The following RBFOX1 variants were observed in gnomAD, a reference collection of about 807,000 sequenced individuals.
RBFOX1 encodes the protein RNA binding protein fox-1 homolog 1.
Under a neutral mutation model 57.7 loss-of-function variants are expected in RBFOX1, and 8 were observed. The ratio of observed to expected loss-of-function variants is 0.14; its 90% confidence interval spans 0.08 to 0.25. The LOEUF (loss-of-function observed/expected upper bound fraction) is 0.25, where lower values mean the gene tolerates loss of function less well. Ranked by LOEUF, RBFOX1 falls within the 10% of genes least tolerant of loss-of-function variation. RBFOX1 has a pLI of 1.00. For missense variants in RBFOX1, 611 were observed against 548.5 expected, an observed-to-expected ratio of 1.11 and a Z score of -1.14; for synonymous variants, 326 against 222.4, an observed-to-expected ratio of 1.47 and a Z score of -4.15.
chr16:6,206,120 G>A (rs2097253725), intron 1 of RBFOX1, among the ~76,000 whole-genome samples: 3 of 152,076 alleles, frequency 2.0e-5, no homozygotes, highest in Non-Finnish European at 2.9e-5. Context: ...TTAAGGCACA[G>A]GTCAAATCTG....
At chr16:7,123,487 C>G (rs1393164659) in intron 4 of RBFOX1, among the ~76,000 whole-genome samples, 2 of 152,120 alleles carry the variant, frequency 1.3e-5, no homozygotes, top group African/African-American at 4.8e-5. Flanking sequence ...GCCTTAGCTT[C>G]CTGAGTAGCT....
intron 3 of RBFOX1, among the ~76,000 whole-genome samples, chr16:5,699,781 T>C (rs1567414115): frequency 6.6e-6 from 1 of 152,224 alleles, no homozygotes; most frequent in South Asian, 2.1e-4. Context: ...AAATCCTTCA[T>C]GATAAGATGG....
intron 4 of RBFOX1, among the ~76,000 whole-genome samples, chr16:7,072,379 C>T (rs969239997): frequency 1.3e-5 from 2 of 152,160 alleles, no homozygotes; most frequent in Non-Finnish European, 2.9e-5. Flanking sequence ...TTGTGGTTTA[C>T]TTGGTCATGG....
chr16:5,485,705 G>T (rs2069708727), intron 2 of RBFOX1, among the ~76,000 whole-genome samples: 1 of 152,202 alleles, frequency 6.6e-6, no homozygotes, highest in African/African-American at 2.4e-5. Flanking sequence ...TTAACTAAGA[G>T]ATTCTGTTAC....
intron 4 of RBFOX1, among the ~76,000 whole-genome samples, chr16:7,221,344 A>ATTTAT (rs2092711569): frequency 8.7e-6 from 1 of 114,632 alleles, no homozygotes; most frequent in Non-Finnish European, 2.1e-5. Context: ...TTTTTATTTG[A>ATTTAT]TTATTTATTT....
In RBFOX1 at chr16:7,563,282, C is replaced by T. The variant is rs111784459; in HGVS notation, c.271-16495C>T. On this transcript the variant is annotated intron_variant, in intron 5 of 15. Transcript: ENST00000550418. Reference sequence around the variant, plus strand: ...TCCTAAGCACTTACAGGTGTTGACTCATTTGGGGTAGATGCCAATAGTATT... The same window carrying T: ...TCCTAAGCACTTACAGGTGTTGACTTATTTGGGGTAGATGCCAATAGTATT... Among the ~76,000 whole-genome samples the T allele has an allele frequency of 4.6e-3, 696 of 152,246 alleles. 6 individuals are homozygous for T. The highest frequency in any genetic ancestry group is 0.016 in the African/African-American group (662 of 41,530).
chr16:6,654,537 G>A (rs2098631948), intron 2 of RBFOX1, 66 bp from the exon 3 acceptor site: 3 of 1,286,346 alleles, frequency 2.3e-6, no homozygotes, highest in South Asian at 1.4e-5. Flanking sequence ...ACCACTGAAT[G>A]TTCTCTGACC....
intron 4 of RBFOX1, among the ~76,000 whole-genome samples, chr16:5,957,469 C>T (rs2059667294): frequency 1.3e-5 from 2 of 152,140 alleles, no homozygotes; most frequent in Non-Finnish European, 2.9e-5. Context: ...AAGTGATCTG[C>T]CTGACTCGGC....
chr16:6,684,810 G>A (rs1603408830), intron 3 of RBFOX1, among the ~76,000 whole-genome samples: 2 of 152,174 alleles, frequency 1.3e-5, no homozygotes, highest in Admixed American at 1.3e-4. Context: ...ATTCCTTAAA[G>A]CATTTCTTTT....
At chr16:5,999,614 C>A (rs1019179743) in intron 4 of RBFOX1, among the ~76,000 whole-genome samples, 1 of 152,148 alleles carries the variant, frequency 6.6e-6, no homozygotes, top group Non-Finnish European at 1.5e-5. Flanking sequence ...GTAATCCCGG[C>A]ACTTTGGGAG....
intron 1 of RBFOX1, among the ~76,000 whole-genome samples, chr16:5,301,222 G>C (rs956986491): frequency 2.6e-5 from 4 of 152,182 alleles, no homozygotes; most frequent in Non-Finnish European, 5.9e-5. Context: ...TACCACCATG[G>C]AGAGGTTCAC....
intron 2 of RBFOX1, among the ~76,000 whole-genome samples, chr16:6,521,270 G>T (rs926131127): frequency 3.9e-5 from 6 of 152,124 alleles, no homozygotes; most frequent in Non-Finnish European, 8.8e-5. Flanking sequence ...AGGAAAAGGT[G>T]CATGCACGTT....
In RBFOX1 at chr16:5,556,195, C is replaced by T. The variant is rs562809565; in HGVS notation, c.259-42707C>T. On this transcript the variant is annotated intron_variant, in intron 2 of 2. Coordinates refer to the RBFOX1 transcript ENST00000585867. ...TTTCCCTCTTGCGGTTACATACATT[C>T]GGTCTGCAGAGGAGCCTTGGTCATA... Among the ~76,000 whole-genome samples the T allele has an allele frequency of 4.6e-4, 70 of 152,334 alleles. No individual in the cohort carries two copies. The South Asian group carries it at 0.014, about 30-fold the overall frequency.
At chr16:7,448,187 C>T (rs981708463) in intron 4 of RBFOX1, among the ~76,000 whole-genome samples, 1 of 152,180 alleles carries the variant, frequency 6.6e-6, no homozygotes, top group African/African-American at 2.4e-5. Context: ...AACAGAGCGG[C>T]TTAAAATAAC....
chr16:6,542,325 A>G (rs975594210), intron 2 of RBFOX1, among the ~76,000 whole-genome samples: 3 of 151,880 alleles, frequency 2.0e-5, no homozygotes, highest in Admixed American at 6.6e-5. Flanking sequence ...AGCACCTCAC[A>G]CAGGGCTGGA....
intron 4 of RBFOX1, among the ~76,000 whole-genome samples, chr16:7,514,728 T>G (rs1366898705): frequency 6.6e-6 from 1 of 152,138 alleles, no homozygotes; most frequent in Non-Finnish European, 1.5e-5. Context: ...GATGGAGCTC[T>G]TCTCCCTTAA....
intron 4 of RBFOX1, among the ~76,000 whole-genome samples, chr16:7,095,359 A>G (rs1194471430): frequency 6.6e-6 from 1 of 152,146 alleles, no homozygotes; most frequent in African/African-American, 2.4e-5. Flanking sequence ...GCTGGTCTCG[A>G]ACTCCTGACC....
rs575889170 is a variant in RBFOX1, at chr16:6,990,665, G to C, written c.-15-61392G>C. The stretch of plus-strand genomic sequence containing the variant: ...GTGCTTTTTGTCATTACTTTCAAAG[G>C]CAAAAGCCGTGATCAGTTTTGCACC... On this transcript the variant is annotated intron_variant, in intron 3 of 15. Coordinates refer to ENST00000550418, the MANE Select transcript of RBFOX1 (RefSeq NM_018723.4). Among the ~76,000 whole-genome samples the C allele has an allele frequency of 1.2e-4, 19 of 152,132 alleles. No individual in the cohort carries two copies. In the South Asian group the frequency reaches 3.7e-3, roughly 30 times the overall value.
chr16:7,459,236 C>G (rs1046079372), intron 4 of RBFOX1, among the ~76,000 whole-genome samples: 2 of 152,116 alleles, frequency 1.3e-5, no homozygotes, highest in Non-Finnish European at 1.5e-5. Flanking sequence ...GTAGTAATCT[C>G]TACTTTCTAG....
Sources: gnomAD v4.1 joint callset for allele counts (sites outside exome capture counted in the v4.1 genomes callset) on GRCh38, gnomAD v4.1.1 for gene constraint, MANE v1.5 for transcripts, NCBI Gene and HGNC (gene_info 2026-07-23, HGNC 2026-07-21) for gene names.